The following PCLO variants were observed in gnomAD, a reference collection of about 807,000 sequenced individuals.
PCLO encodes the protein piccolo presynaptic cytomatrix protein.
PCLO carries 82 observed loss-of-function variants against 427.5 expected under a neutral mutation model. The ratio of observed to expected loss-of-function variants is 0.19; its 90% confidence interval spans 0.16 to 0.23. The LOEUF (loss-of-function observed/expected upper bound fraction) is 0.23, where lower values mean the gene tolerates loss of function less well. Ranked by LOEUF, PCLO falls within the 10% of genes least tolerant of loss-of-function variation. The pLI is 1.00. For synonymous variants in PCLO, 2,357 were observed against 2,155.4 expected (o/e 1.09, Z -2.59); for missense variants, 6,239 against 6,115.9 (o/e 1.02, Z -0.67).
In PCLO at chr7:82,914,745, T is replaced by C. The variant is rs1195736082; in HGVS notation, c.13241A>G (p.Tyr4414Cys). 1.9e-6 allele frequency: 3 copies of C among 1,613,216 alleles called. No individual in the cohort carries two copies. The highest frequency in any genetic ancestry group is 1.1e-5 in the South Asian group (1 of 91,050). The change falls in exon 7 of 25, where the codon TAT becomes TGT. Residue 4414 changes from tyrosine (Y) to cysteine (C), a missense_variant. Tyr to Cys is a radical substitution (Grantham distance 194). This residue lies in a region of PCLO where 877 missense variants were observed against 925.5 expected (regional missense o/e 0.95). Transcript: ENST00000333891. ...HMREESRTRGYDRDIAFIMDD... is the reference protein window; with the variant it reads ...HMREESRTRGCDRDIAFIMDD... Reference sequence around the variant, plus strand: ...CATGATGAATGCTATGTCACGGTCATAGCCTCGAGTCCGTGATTCTTCCCT... The same window carrying C: ...CATGATGAATGCTATGTCACGGTCACAGCCTCGAGTCCGTGATTCTTCCCT...
intron 9 of PCLO, among the ~76,000 whole-genome samples, chr7:82,881,867 TC>T (rs1465412585): frequency 2.0e-5 from 3 of 152,050 alleles, no homozygotes; most frequent in African/African-American, 7.2e-5. Flanking sequence ...GGTTTCAACC[TC>T]CTAGGCTCAA....
Position 83,155,880 on chromosome 7 carries a change from G to A in PCLO, c.761C>T (p.Thr254Ile). 6.2e-7 allele frequency: 1 copy of A among 1,613,944 alleles called. No individual in the cohort carries two copies. The highest frequency in any genetic ancestry group is 1.1e-5 in the South Asian group (1 of 91,084). ...PEKIKSQPPGTGKPIQGPTQT... is the reference protein window; with the variant it reads ...PEKIKSQPPGIGKPIQGPTQT... ...GGTAGGACCCTGAATTGGCTTTCCT[G>A]TACCTGGAGGTTGTGATTTAATTTT... The change falls in exon 2 of 25, where the codon ACA (threonine) becomes ATA (isoleucine). Residue 254 changes from threonine to isoleucine, a missense_variant. This residue lies in a region of PCLO where 4,677 missense variants were observed against 4,468.4 expected (regional missense o/e 1.05). Coordinates refer to ENST00000333891, the MANE Select transcript of PCLO (RefSeq NM_033026.6).
rs372251831 is a variant in PCLO at position 82,971,416 on chromosome 7, G to A, written c.3301-4929C>T. Among the ~76,000 whole-genome samples, 4 of 150,840 alleles carry A rather than the reference G, an allele frequency of 2.7e-5. No homozygotes were observed. The East Asian group carries it at 5.8e-4, about 22-fold the overall frequency. On this transcript the variant is annotated intron_variant, in intron 3 of 24. Coordinates refer to ENST00000333891, the MANE Select transcript of PCLO (RefSeq NM_033026.6). ...CCAGCAGTTTTATGTGTATGTGTGT[G>A]TGTATATATATGTGTGTGTGTGTAT...
At chr7:83,124,639 C>T (rs73180545) in intron 3 of PCLO, among the ~76,000 whole-genome samples, 14,340 of 152,132 alleles carry the variant, frequency 0.094, 824 homozygotes, top group African/African-American at 0.15. Context: ...AACTACTATA[C>T]GATCCAGCAA....
chr7:82,954,147 A>T lies in PCLO; in HGVS notation c.6806T>A (p.Met2269Lys), dbSNP rs1240464435. The change falls in exon 5 of 25, where the codon ATG (methionine) becomes AAG (lysine). Residue 2269 changes from methionine to lysine, a missense_variant. Around this residue, in one of 5 missense-constraint regions of PCLO, gnomAD observed 4,677 missense variants for 4,468.4 expected, o/e 1.05. Transcript: ENST00000333891. ...TACAGATTCTATGATAGAAGATGCC[A>T]TATCAGATAAGGAAATAACAATATG... ...ADHIVISLSD[M>K]ASSIIESVVP... 6.2e-7 allele frequency: 1 copy of T among 1,613,944 alleles called. No individual in the cohort carries two copies. Among genetic ancestry groups the T allele is most frequent in the South Asian group, 1.1e-5 (1 of 91,080 alleles).
chr7:82,774,901 C>A (rs1489826516), intron 22 of PCLO, among the ~76,000 whole-genome samples: 2 of 152,176 alleles, frequency 1.3e-5, no homozygotes, highest in African/African-American at 2.4e-5. Flanking sequence ...CCTATTCATT[C>A]CTTCTCCCCG....
In PCLO at chr7:83,107,879, T is replaced by C. The variant is rs919947237; in HGVS notation, c.3300+26371A>G. 1.1e-4 allele frequency among the ~76,000 whole-genome samples: 16 copies of C among 149,440 alleles called. 1 individual carries two copies. The highest frequency in any genetic ancestry group is 1.5e-5 in the Non-Finnish European group (1 of 67,494). On this transcript the variant is annotated intron_variant, in intron 3 of 24. Coordinates refer to ENST00000333891, the MANE Select transcript of PCLO (RefSeq NM_033026.6). Reference sequence around the variant, plus strand: ...TGGTGCACACCTGTAGTCCCAGCTATTCGGGAGGCTGAGGCAAGAGAATCG... The same window carrying C: ...TGGTGCACACCTGTAGTCCCAGCTACTCGGGAGGCTGAGGCAAGAGAATCG...
intron 3 of PCLO, among the ~76,000 whole-genome samples, chr7:82,972,342 T>C (rs537865286): frequency 2.6e-5 from 4 of 152,148 alleles, no homozygotes; most frequent in African/African-American, 9.6e-5. Flanking sequence ...CAATAAGCAA[T>C]TTGCTTTATA....
chr7:83,007,139 T>C (rs540673649), intron 3 of PCLO, among the ~76,000 whole-genome samples: 1 of 151,656 alleles, frequency 6.6e-6, no homozygotes, highest in Non-Finnish European at 1.5e-5. Flanking sequence ...AATAGTGATA[T>C]GGACTTAAAT....
At chr7:82,821,069 G>A in intron 20 of PCLO, 1 of 1,124,852 alleles carries the variant, frequency 8.9e-7, no homozygotes, top group Non-Finnish European at 1.1e-6. Context: ...TTAAATTTGG[G>A]GATGTTCTTG....
Position 82,788,181 on chromosome 7 carries a change from A to C in PCLO, c.15007+13337T>G, listed in dbSNP as rs1226687237. Among the ~76,000 whole-genome samples, 2 of 147,894 alleles carry C rather than the reference A, an allele frequency of 1.4e-5. 1 individual carries two copies. Among genetic ancestry groups the C allele is most frequent in the South Asian group, 4.2e-4 (2 of 4,796 alleles). On this transcript the variant is annotated intron_variant, in intron 22 of 24. Transcript: ENST00000333891. ...ATTTAAATTTATAATTTATATATTT[A>C]TGATTTAAATTTAATATATATTTAA...
intron 2 of PCLO, among the ~76,000 whole-genome samples, chr7:83,149,875 T>C (rs766546146): frequency 3.3e-5 from 5 of 152,226 alleles, no homozygotes; most frequent in Non-Finnish European, 7.3e-5. Context: ...TGAAAGTTGA[T>C]ATATGCAAGT....
At chr7:82,833,518 G>A (rs2715156) in intron 16 of PCLO, among the ~76,000 whole-genome samples, 54,897 of 151,840 alleles carry the variant, frequency 0.36, 11,827 homozygotes, top group East Asian at 0.7. Flanking sequence ...GAAGAAAAAA[G>A]TAAAGGAGAC....
intron 3 of PCLO, among the ~76,000 whole-genome samples, chr7:83,048,445 T>C (rs1789154397): frequency 6.6e-6 from 1 of 152,088 alleles, no homozygotes; most frequent in Admixed American, 6.6e-5. Flanking sequence ...TTTCAGGATC[T>C]TCTTCAGTGA....
At chr7:82,846,678 T>A in intron 11 of PCLO, 44 bp from the exon 12 acceptor site, 1 of 1,347,988 alleles carries the variant, frequency 7.4e-7, no homozygotes, top group Admixed American at 2.1e-5. Context: ...TGAGGAAATC[T>A]GAGACAAAGA....
intron 3 of PCLO, among the ~76,000 whole-genome samples, chr7:83,015,140 A>G (rs947100807): frequency 2.6e-5 from 4 of 152,150 alleles, no homozygotes; most frequent in Admixed American, 2.6e-4. Context: ...GCCTCACTCC[A>G]AAGTCCTTGA....
At chr7:82,969,806 A>G (rs1795860857) in intron 3 of PCLO, among the ~76,000 whole-genome samples, 1 of 152,148 alleles carries the variant, frequency 6.6e-6, no homozygotes, top group African/African-American at 2.4e-5. Flanking sequence ...CAGTAAAAAC[A>G]AAGAGACGGA....
chr7:83,078,081 T>G (rs1022802777), intron 3 of PCLO, among the ~76,000 whole-genome samples: 2 of 152,148 alleles, frequency 1.3e-5, no homozygotes, highest in African/African-American at 4.8e-5. Flanking sequence ...TCTGTGCTCT[T>G]GAGTCCCTCA....
intron 3 of PCLO, among the ~76,000 whole-genome samples, chr7:83,080,091 T>C (rs571436907): frequency 1.3e-5 from 2 of 152,316 alleles, no homozygotes; most frequent in East Asian, 1.9e-4. Context: ...ATGGTGTATA[T>C]GTAACACATT....
Sources: allele counts gnomAD v4.1 joint callset (sites outside exome capture counted in the v4.1 genomes callset), GRCh38; gene constraint gnomAD v4.1.1; regional missense constraint gnomAD v4.1.1; transcripts MANE v1.5; gene names NCBI Gene and HGNC (gene_info 2026-07-23, HGNC 2026-07-21).